ZNF609: variants seen among roughly 807,000 people sequenced by gnomAD.
ZNF609 encodes zinc finger protein 609.
A neutral mutation model predicts 109.5 loss-of-function variants in ZNF609; 11 were observed. The ratio of observed to expected loss-of-function variants is 0.10; its 90% confidence interval spans 0.06 to 0.17. The LOEUF is 0.17. ZNF609 is among the 10% of genes least tolerant of loss of function. The pLI is 1.00. For missense variants in ZNF609, 1,559 were observed against 1,772.4 expected, an observed-to-expected ratio of 0.88 and a Z score of 2.16; for synonymous variants, 646 against 662.0, an observed-to-expected ratio of 0.98 and a Z score of 0.37.
chr15:64,670,430 CA>C lies in ZNF609; in HGVS notation c.1060del (p.Arg354GlyfsTer97). ...TGCACACGACATGATTGGGCACCCC[CA>C]AGGTAAGCACTTACAGCTATTTAGT... ...LDCTRHDWAP[P>X]RFCDSPTSDL... On this transcript the variant is annotated frameshift_variant and splice_region_variant, in exon 4 of 10. Coordinates refer to ENST00000326648, the MANE Select transcript of ZNF609 (RefSeq NM_015042.2). LOFTEE classifies it high-confidence loss of function. The C allele has an allele frequency of 6.2e-7, 1 of 1,613,148 alleles. No homozygotes were observed. Among genetic ancestry groups the C allele is most frequent in the Non-Finnish European group, 8.5e-7 (1 of 1,179,100 alleles).
chr15:64,545,312 C>G (rs1894338096), intron 2 of ZNF609, among the ~76,000 whole-genome samples: 1 of 152,008 alleles, frequency 6.6e-6, no homozygotes, highest in Admixed American at 6.6e-5. Flanking sequence ...CAATCTCCCA[C>G]CTCACCCTCC....
Position 64,536,328 on chromosome 15 carries a change from A to G in ZNF609, c.747+36162A>G, listed in dbSNP as rs190729909. Among the ~76,000 whole-genome samples the G allele has an allele frequency of 4.6e-5, 7 of 152,210 alleles. No homozygotes were observed. The East Asian group carries it at 1.2e-3, about 25-fold the overall frequency. The stretch of plus-strand genomic sequence containing the variant: ...TGCGCCCCTGTGCCCAGCCTATGGC[A>G]TGATTTTAGAAGTGGTTTATGACTG... On this transcript the variant is annotated intron_variant, in intron 2 of 9. Coordinates refer to ENST00000326648, the MANE Select transcript of ZNF609 (RefSeq NM_015042.2).
chr15:64,555,773 T>G (rs1372944003), intron 2 of ZNF609, among the ~76,000 whole-genome samples: 3 of 150,648 alleles, frequency 2.0e-5, no homozygotes, highest in African/African-American at 7.3e-5. Flanking sequence ...TCCCAGCTAC[T>G]TGGGTGGCTG....
chr15:64,482,559 A>G (rs1335899462), intron 1 of ZNF609, among the ~76,000 whole-genome samples: 5 of 146,148 alleles, frequency 3.4e-5, no homozygotes, highest in African/African-American at 1.3e-4. Context: ...TAGATTTCAG[A>G]TGTGGTTCTG....
chr15:64,479,448 C>T (rs901016859), intron 1 of ZNF609, among the ~76,000 whole-genome samples: 4 of 151,782 alleles, frequency 2.6e-5, no homozygotes, highest in South Asian at 4.2e-4. Flanking sequence ...CCCACCACCA[C>T]GCCTGGCTAA....
chr15:64,586,747 A>G (rs1895205593), intron 2 of ZNF609, among the ~76,000 whole-genome samples: 1 of 152,180 alleles, frequency 6.6e-6, no homozygotes, highest in Admixed American at 6.5e-5. Context: ...ACTCGGTAGA[A>G]TGATGATTAT....
chr15:64,484,073 G>A (rs1390646039), intron 1 of ZNF609, among the ~76,000 whole-genome samples: 1 of 146,542 alleles, frequency 6.8e-6, no homozygotes, highest in African/African-American at 2.5e-5. Context: ...TTGTCCTGGT[G>A]ACATTGCCTC....
intron 2 of ZNF609, among the ~76,000 whole-genome samples, chr15:64,593,936 G>A (rs957220699): frequency 6.6e-6 from 1 of 152,188 alleles, no homozygotes; most frequent in Non-Finnish European, 1.5e-5. Flanking sequence ...GGAACTCCTT[G>A]ACTGTCAATC....
chr15:64,626,797 G>A (rs1326195824), intron 3 of ZNF609, among the ~76,000 whole-genome samples: 1 of 152,088 alleles, frequency 6.6e-6, no homozygotes. Context: ...AATTCAGTAA[G>A]CACTGCAAAG....
intron 3 of ZNF609, chr15:64,632,047 T>G (rs1896089807): frequency 6.6e-6 from 1 of 152,212 alleles, no homozygotes; most frequent in South Asian, 2.1e-4. Flanking sequence ...ATATATTTTT[T>G]GAGACAGGGT....
At chr15:64,461,138 C>T (rs1374562582) in intron 1 of ZNF609, among the ~76,000 whole-genome samples, 2 of 146,136 alleles carry the variant, frequency 1.4e-5, no homozygotes, top group Non-Finnish European at 3.0e-5. Flanking sequence ...GTTATGGGAG[C>T]AGGCCAGAGA....
At chr15:64,591,460 C>T (rs1895295956) in intron 2 of ZNF609, among the ~76,000 whole-genome samples, 1 of 151,880 alleles carries the variant, frequency 6.6e-6, no homozygotes, top group South Asian at 2.1e-4. Flanking sequence ...CAAAAACAGC[C>T]TCCTCAACAA....
At chr15:64,640,892 A>C (rs1349020629) in intron 3 of ZNF609, among the ~76,000 whole-genome samples, 3 of 152,196 alleles carry the variant, frequency 2.0e-5, no homozygotes, top group Admixed American at 2.0e-4. Context: ...GAATGTATAG[A>C]TGGGAGGAGG....
At chr15:64,548,128 A>G (rs576747107) in intron 2 of ZNF609, among the ~76,000 whole-genome samples, 14 of 152,332 alleles carry the variant, frequency 9.2e-5, no homozygotes, top group Admixed American at 9.2e-4. Context: ...CAAGCAAGCT[A>G]TGCTGCGATC....
At chr15:64,673,455 T>C (rs563774280) in intron 4 of ZNF609, among the ~76,000 whole-genome samples, 5 of 152,342 alleles carry the variant, frequency 3.3e-5, no homozygotes, top group South Asian at 2.1e-4. Flanking sequence ...AACTCTTAAA[T>C]GGATAGGTGC....
chr15:64,627,660 T>TTCC (rs1330961312), intron 3 of ZNF609, among the ~76,000 whole-genome samples: 8 of 89,482 alleles, frequency 8.9e-5, no homozygotes, highest in African/African-American at 2.8e-4. Context: ...TCTTTTTTTC[T>TTCC]TTCTTTTTTT....
chr15:64,589,028 TG>T (rs908635425), intron 2 of ZNF609, among the ~76,000 whole-genome samples: 2 of 152,160 alleles, frequency 1.3e-5, no homozygotes, highest in Non-Finnish European at 2.9e-5. Context: ...GAATGTTATC[TG>T]GGGACTTTAT....
intron 4 of ZNF609, among the ~76,000 whole-genome samples, chr15:64,673,373 A>G (rs2141013823): frequency 6.6e-6 from 1 of 152,352 alleles, no homozygotes; most frequent in Non-Finnish European, 1.5e-5. Flanking sequence ...GCCTATGAGG[A>G]GTGACCCCTA....
At position 64,463,424 on chromosome 15, in the gene ZNF609, G is replaced by T. The variant is rs574944104; in HGVS notation, c.-128+2586G>T. Reference sequence around the variant, plus strand: ...TAAAAAAAAAAAAAAAAAATTTGGGGCCTGGAAAAGAGGTTTCCATTTAGG... The same window carrying T: ...TAAAAAAAAAAAAAAAAAATTTGGGTCCTGGAAAAGAGGTTTCCATTTAGG... On this transcript the variant is annotated intron_variant, in intron 1 of 9. Transcript: ENST00000326648. Among the ~76,000 whole-genome samples, 3 of 151,856 alleles carry T rather than the reference G, an allele frequency of 2.0e-5. No homozygotes were observed. The South Asian group carries it at 6.2e-4, about 32-fold the overall frequency.
Sources: gnomAD v4.1 joint callset for allele counts (sites outside exome capture counted in the v4.1 genomes callset) on GRCh38, gnomAD v4.1.1 for gene constraint, MANE v1.5 for transcripts, NCBI Gene and HGNC (gene_info 2026-07-23, HGNC 2026-07-21) for gene names.